Variants in GFUS observed in about 807,000 individuals in gnomAD.
GFUS encodes 3-5 epimerase/4-reductase.
Under a neutral mutation model 41.5 loss-of-function variants are expected in GFUS, and 42 were observed. The observed-to-expected ratio is 1.01, with a 90% CI of 0.79 to 1.31. The LOEUF (loss-of-function observed/expected upper bound fraction) is 1.31. GFUS is among the 50% of genes most tolerant of loss of function. The pLI is 0.00. For synonymous variants in GFUS, 188 were observed against 173.4 expected (o/e 1.08, Z -0.66); for missense variants, 437 against 428.7 (o/e 1.02, Z -0.17).
chr8:143,615,540 G>A (rs943735277), intron 3 of GFUS, among the ~76,000 whole-genome samples: 18 of 152,174 alleles, frequency 1.2e-4, no homozygotes, highest in Middle Eastern at 3.2e-3. Context: ...CTCTGCTCAC[G>A]CTAGTGCCTC....
At chr8:143,616,526 G>C in intron 2 of GFUS, 41 bp downstream of exon 2, 2 of 1,613,150 alleles carry the variant, frequency 1.2e-6, no homozygotes, top group Non-Finnish European at 1.7e-6. Flanking sequence ...GTGGGGGGTA[G>C]GATGGAGAGG....
At chr8:143,614,551 A>G (rs1829671772) in intron 5 of GFUS, 73 bp downstream of exon 5, 1 of 1,557,096 alleles carries the variant, frequency 6.4e-7, no homozygotes, top group Non-Finnish European at 8.7e-7. Context: ...AGACCCGACC[A>G]GCCGGCCCCA....
At position 143,612,808 on chromosome 8, in the gene GFUS, G is replaced by A; in HGVS notation, c.*102C>T. On this transcript the variant is annotated 3_prime_UTR_variant, in exon 11 of 11. Transcript: ENST00000425753. ...GCAGAGCGGATGGAATGCAGGCCCAGGTTGCTGGGTGGTGCCCTCAGCTCC... is the reference window on the plus strand; with the variant it reads ...GCAGAGCGGATGGAATGCAGGCCCAAGTTGCTGGGTGGTGCCCTCAGCTCC... 1.4e-6 allele frequency: 2 copies of A among 1,409,044 alleles called. No homozygotes were observed. Among genetic ancestry groups the A allele is most frequent in the East Asian group, 5.0e-5 (2 of 40,200 alleles). 87.3% of individuals were successfully genotyped at this position (1,409,044 alleles called of 1,614,324 possible).
At position 143,617,461 on chromosome 8, in the gene GFUS, G is replaced by C. The variant is rs1374822993; in HGVS notation, c.-12+13C>G. On this transcript the variant is annotated intron_variant, in intron 1 of 10. Transcript: ENST00000425753. ...CAGGGCCCAGGGCGCGGCTGAGTCCGGTGCCACCTCACCTGCGTCCAGCCC... is the reference window on the plus strand; with the variant it reads ...CAGGGCCCAGGGCGCGGCTGAGTCCCGTGCCACCTCACCTGCGTCCAGCCC... 1 of 152,266 alleles carries C rather than the reference G, an allele frequency of 6.6e-6. No homozygotes were observed. Among genetic ancestry groups the C allele is most frequent in the Non-Finnish European group, 1.5e-5 (1 of 68,114 alleles). 9.4% of individuals were successfully genotyped at this position (152,266 alleles called of 1,614,324 possible).
At chr8:143,615,666 C>T (rs568896874) in intron 3 of GFUS, among the ~76,000 whole-genome samples, 1 of 152,306 alleles carries the variant, frequency 6.6e-6, no homozygotes, top group African/African-American at 2.4e-5. Flanking sequence ...TTCCCCCAGA[C>T]ACAGGCAGCA....
In GFUS at chr8:143,613,836, G is replaced by A. The variant is rs762449721; in HGVS notation, c.664-19C>T. On this transcript the variant is annotated intron_variant, in intron 7 of 10. Coordinates refer to ENST00000425753, the MANE Select transcript of GFUS (RefSeq NM_003313.4). ...CCAGGTCCTAGAGGTCAGACAGGCAGGGTCAGAGACCATGGGTATAGCCAA... is the reference window on the plus strand; with the variant it reads ...CCAGGTCCTAGAGGTCAGACAGGCAAGGTCAGAGACCATGGGTATAGCCAA... 3 of 1,550,432 alleles carry A rather than the reference G, an allele frequency of 1.9e-6. No homozygotes were observed. The highest frequency in any genetic ancestry group is 2.6e-6 in the Non-Finnish European group (3 of 1,146,942).
chr8:143,614,484 C>T, intron 5 of GFUS, 31 bp from the exon 6 acceptor site: 1 of 1,591,144 alleles, frequency 6.3e-7, no homozygotes, highest in South Asian at 1.1e-5. Context: ...CTGCCCTCGT[C>T]CTGGGCCCGC....
Position 143,614,342 on chromosome 8 carries a change from G to A in GFUS, c.576C>T (p.Ile192=), listed in dbSNP as rs1829663858. ...IEDGHVLPGL[I]HKVHLAKSSG... ...CACTCTTGGCCAGGTGCACCTTGTGGATGAGGCCAGGCAGCACGTGGCCAT... is the reference window on the plus strand; with the variant it reads ...CACTCTTGGCCAGGTGCACCTTGTGAATGAGGCCAGGCAGCACGTGGCCAT... The change falls in exon 6 of 11, where the codon ATC becomes ATT. Residue 192 remains isoleucine, a synonymous_variant. Transcript: ENST00000425753. 1.2e-6 allele frequency: 2 copies of A among 1,613,736 alleles called. No individual in the cohort carries two copies. The highest frequency in any genetic ancestry group is 1.7e-6 in the Non-Finnish European group (2 of 1,179,874).
chr8:143,612,857 C>T lies in GFUS; in HGVS notation c.*53G>A, dbSNP rs1024106752. Reference sequence around the variant, plus strand: ...CCTGGCAGGGTTGACGGGTGGTGGCCGCTGGGCTCTGCCAGCCGATGGTCC... The same window carrying T: ...CCTGGCAGGGTTGACGGGTGGTGGCTGCTGGGCTCTGCCAGCCGATGGTCC... On this transcript the variant is annotated 3_prime_UTR_variant, in exon 11 of 11. Coordinates refer to ENST00000425753, the MANE Select transcript of GFUS (RefSeq NM_003313.4). The T allele has an allele frequency of 5.3e-5, 83 of 1,566,108 alleles. No individual in the cohort carries two copies. The highest frequency in any genetic ancestry group is 3.3e-4 in the Middle Eastern group (2 of 6,028).
intron 7 of GFUS, 27 bp from the exon 8 acceptor site, chr8:143,613,844 G>A (rs1336259937): frequency 1.3e-6 from 2 of 1,550,258 alleles, no homozygotes; most frequent in African/African-American, 1.4e-5. Flanking sequence ...CAGGGTCAGA[G>A]ACCATGGGTA....
chr8:143,615,774 C>T (rs1416396127), intron 3 of GFUS: 4 of 296,016 alleles, frequency 1.4e-5, no homozygotes. Flanking sequence ...CCAGAGGCTC[C>T]AGAGGCCCTG....
Position 143,612,918 on chromosome 8 carries a change from G to A in GFUS, c.958C>T (p.Arg320Trp), listed in dbSNP as rs199878471. Residue 320 changes from arginine (R) to tryptophan (W), a missense_variant, in exon 11 of 11, where the codon CGG becomes TGG. Arg to Trp is a moderately radical substitution (Grantham distance 101). Transcript: ENST00000425753. ...AWFTDNYEQA[R>W]K ...GATCCTGTCTTCCAGCTTCACTTCC[G>A]GGCCTGCTCGTAGTTGTCAGTGAAC... 8.7e-6 allele frequency: 14 copies of A among 1,608,682 alleles called. No individual in the cohort carries two copies. Among genetic ancestry groups the A allele is most frequent in the East Asian group, 2.2e-5 (1 of 44,580 alleles).
In GFUS at chr8:143,614,822, G is replaced by A; in HGVS notation, c.355C>T (p.Pro119Ser). 6.2e-7 allele frequency: 1 copy of A among 1,613,772 alleles called. No individual in the cohort carries two copies. The highest frequency in any genetic ancestry group is 8.5e-7 in the Non-Finnish European group (1 of 1,179,998). The change falls in exon 4 of 11, where the codon CCT becomes TCT. Residue 119 changes from proline (P) to serine (S), a missense_variant. Coordinates refer to ENST00000425753, the MANE Select transcript of GFUS (RefSeq NM_003313.4). ...VVSCLSTCIF[P>S]DKTTYPIDET... Reference sequence around the variant, plus strand: ...TCTATCGGGTAGGTCGTCTTGTCAGGGAAGATACAGGTGGACAGGCAGGAC... The same window carrying A: ...TCTATCGGGTAGGTCGTCTTGTCAGAGAAGATACAGGTGGACAGGCAGGAC...
chr8:143,614,273 C>T, intron 6 of GFUS, 45 bp from the exon 7 acceptor site: 1 of 1,613,644 alleles, frequency 6.2e-7, no homozygotes, highest in Non-Finnish European at 8.5e-7. Context: ...ACTGGGTCAC[C>T]TCCTCCCGAG....
chr8:143,613,702 G>A (rs373511600), intron 8 of GFUS, 49 bp downstream of exon 8: 3 of 1,558,832 alleles, frequency 1.9e-6, no homozygotes, highest in Non-Finnish European at 1.7e-6. Flanking sequence ...GGACAACCTT[G>A]GATCCTGTCC....
intron 9 of GFUS, 48 bp downstream of exon 9, chr8:143,613,476 C>G: frequency 1.3e-6 from 2 of 1,595,802 alleles, no homozygotes; most frequent in Non-Finnish European, 1.7e-6. Flanking sequence ...CCACTGAGCC[C>G]GCCCAAGGGG....
chr8:143,614,993 T>C, intron 3 of GFUS, 78 bp from the exon 4 acceptor site: 3 of 1,534,248 alleles, frequency 2.0e-6, no homozygotes, highest in Non-Finnish European at 2.6e-6. Context: ...GACGCAGAAG[T>C]GGAGACACAC....
intron 3 of GFUS, 43 bp downstream of exon 3, chr8:143,616,063 G>A (rs770738309): frequency 2.0e-6 from 3 of 1,489,908 alleles, no homozygotes; most frequent in East Asian, 4.6e-5. Context: ...CCCAGAACCT[G>A]GGATCCTGGT....
Position 143,614,616 on chromosome 8 carries a change from G to T in GFUS, c.464+8C>A. On this transcript the variant is annotated splice_region_variant and intron_variant, in intron 5 of 10. Coordinates refer to ENST00000425753, the MANE Select transcript of GFUS (RefSeq NM_003313.4). Reference sequence around the variant, plus strand: ...CTGGCTGGGCCTCAGCAGGATGGGCGCGAGGACCTGTTCTGCACGTCGATC... The same window carrying T: ...CTGGCTGGGCCTCAGCAGGATGGGCTCGAGGACCTGTTCTGCACGTCGATC... The T allele has an allele frequency of 6.3e-7, 1 of 1,580,178 alleles. No individual in the cohort carries two copies.
Sources: gnomAD v4.1 joint callset for allele counts (sites outside exome capture counted in the v4.1 genomes callset) on GRCh38, gnomAD v4.1.1 for gene constraint, MANE v1.5 for transcripts, NCBI Gene and HGNC (gene_info 2026-07-23, HGNC 2026-07-21) for gene names.